The following TRPM3 variants were observed in gnomAD, a reference collection of about 807,000 sequenced individuals.
TRPM3 encodes the protein transient receptor potential cation channel subfamily M member 3.
A neutral mutation model predicts 181.2 loss-of-function variants in TRPM3; 77 were observed. That is an observed-to-expected ratio of 0.42 (90% CI 0.35 to 0.51). TRPM3 has a LOEUF of 0.51. Among genes scored for constraint, TRPM3 ranks in the 20% least tolerant of loss-of-function variants. The pLI is 0.01. For missense variants in TRPM3, 1,759 were observed against 2,196.7 expected (o/e 0.80, Z 3.98); for synonymous variants, 745 against 796.4 (o/e 0.94, Z 1.09).
chr9:70,616,142 G>T, intron 17 of TRPM3, 67 bp from the exon 18 acceptor site: 1 of 1,274,664 alleles, frequency 7.8e-7, no homozygotes, highest in Non-Finnish European at 1.1e-6. Context: ...TGGTTGTTTA[G>T]AATCAGAGAG....
At chr9:71,093,129 A>G (rs539986640) in intron 1 of TRPM3, among the ~76,000 whole-genome samples, 1 of 152,196 alleles carries the variant, frequency 6.6e-6, no homozygotes, top group Admixed American at 6.6e-5. Flanking sequence ...AACCATAAAA[A>G]TCATAGAAGA....
At chr9:70,980,067 G>GCACGCACACACACACA in intron 1 of TRPM3, among the ~76,000 whole-genome samples, 1 of 137,978 alleles carries the variant, frequency 7.2e-6, no homozygotes, top group South Asian at 2.4e-4. Flanking sequence ...GCATGTGCGT[G>GCACGCACACACACACA]CACACACACA....
intron 1 of TRPM3, among the ~76,000 whole-genome samples, chr9:71,112,859 C>T (rs760728995): frequency 1.3e-5 from 2 of 152,112 alleles, no homozygotes; most frequent in Non-Finnish European, 2.9e-5. Context: ...TCCTACTTAC[C>T]TGCGTTGAGC....
In TRPM3 at chr9:70,602,015, T is replaced by C. The variant is rs183880083; in HGVS notation, c.2796+1327A>G. Among the ~76,000 whole-genome samples the C allele has an allele frequency of 2.0e-4, 30 of 151,306 alleles. No individual in the cohort carries two copies. In the East Asian group the frequency reaches 3.1e-3, roughly 16 times the overall value. On this transcript the variant is annotated intron_variant, in intron 20 of 25. Transcript: ENST00000677713. Reference sequence around the variant, plus strand: ...TTATTACTGTTTTTCAGTTTACAAATGGGAAATCCACAACATTGGTCAAGA... The same window carrying C: ...TTATTACTGTTTTTCAGTTTACAAACGGGAAATCCACAACATTGGTCAAGA...
intron 12 of TRPM3, among the ~76,000 whole-genome samples, chr9:70,630,654 C>A (rs1164970017): frequency 6.6e-6 from 1 of 152,196 alleles, no homozygotes; most frequent in Non-Finnish European, 1.5e-5. Flanking sequence ...TCTAGCACTT[C>A]CCCCTCCCCC....
intron 1 of TRPM3, among the ~76,000 whole-genome samples, chr9:71,220,851 C>T (rs2080197789): frequency 6.6e-6 from 1 of 152,130 alleles, no homozygotes; most frequent in South Asian, 2.1e-4. Flanking sequence ...ATCCCCTGCC[C>T]ATCCAACAGC....
At chr9:71,379,215 T>C (rs1160434768) in intron 1 of TRPM3, among the ~76,000 whole-genome samples, 1 of 143,856 alleles carries the variant, frequency 7.0e-6, no homozygotes, top group Non-Finnish European at 1.6e-5. Context: ...ATCTTTATGA[T>C]GTGTGACAGA....
chr9:71,329,968 A>G (rs1328132503), intron 1 of TRPM3, among the ~76,000 whole-genome samples: 1 of 152,170 alleles, frequency 6.6e-6, no homozygotes, highest in Non-Finnish European at 1.5e-5. Flanking sequence ...GAGTTGCGGG[A>G]TGTAAGTTGG....
intron 1 of TRPM3, among the ~76,000 whole-genome samples, chr9:71,069,467 G>A (rs938711169): frequency 4.6e-5 from 7 of 152,068 alleles, no homozygotes; most frequent in African/African-American, 1.4e-4. Flanking sequence ...GTGAGCCACC[G>A]TGCCTGGCCA....
chr9:70,582,087 A>G (rs2055937110), intron 22 of TRPM3, among the ~76,000 whole-genome samples: 1 of 151,992 alleles, frequency 6.6e-6, no homozygotes. Context: ...TTTCTTCTTG[A>G]AAACAAAGTT....
intron 4 of TRPM3, among the ~76,000 whole-genome samples, 200 bp from the exon 5 acceptor site, chr9:70,843,327 T>C (rs1298850247): frequency 1.3e-5 from 2 of 152,234 alleles, no homozygotes; most frequent in Non-Finnish European, 2.9e-5. Flanking sequence ...GCCAGATTTG[T>C]ATATGAATTC....
At chr9:70,811,473 A>G (rs2092027596) in intron 6 of TRPM3, among the ~76,000 whole-genome samples, 1 of 152,192 alleles carries the variant, frequency 6.6e-6, no homozygotes, top group Non-Finnish European at 1.5e-5. Flanking sequence ...TTGCTGGAGG[A>G]AGTATCATTC....
intron 1 of TRPM3, among the ~76,000 whole-genome samples, chr9:71,236,704 C>T (rs1478272190): frequency 6.6e-6 from 1 of 152,088 alleles, no homozygotes; most frequent in African/African-American, 2.4e-5. Flanking sequence ...TAAATGTAGG[C>T]ATGTGCTTTT....
intron 1 of TRPM3, among the ~76,000 whole-genome samples, chr9:70,940,836 CTT>C (rs766185315): frequency 6.6e-6 from 1 of 152,110 alleles, no homozygotes; most frequent in Non-Finnish European, 1.5e-5. Flanking sequence ...AGAGAAAGAA[CTT>C]GTTTGCATTT....
intron 9 of TRPM3, among the ~76,000 whole-genome samples, chr9:70,654,848 ATT>A (rs979965600): frequency 6.6e-6 from 1 of 150,718 alleles, no homozygotes; most frequent in Non-Finnish European, 1.5e-5. Context: ...CGCCTGGCTA[ATT>A]TTTTTTGTAT....
chr9:70,606,136 G>A (rs556661233), intron 19 of TRPM3, among the ~76,000 whole-genome samples: 19 of 152,150 alleles, frequency 1.2e-4, no homozygotes, highest in Admixed American at 4.6e-4. Flanking sequence ...CCTCCATTCT[G>A]TAACATGGGA....
intron 1 of TRPM3, among the ~76,000 whole-genome samples, chr9:71,350,121 T>A (rs2091537828): frequency 6.6e-6 from 1 of 152,020 alleles, no homozygotes; most frequent in South Asian, 2.1e-4. Context: ...TCTTCTAAAA[T>A]CTTGCTATTT....
intron 9 of TRPM3, among the ~76,000 whole-genome samples, chr9:70,678,080 G>C (rs2064481621): frequency 6.6e-6 from 1 of 152,132 alleles, no homozygotes; most frequent in Non-Finnish European, 1.5e-5. Context: ...GGCAGGGGCA[G>C]TGGAAGGCTA....
intron 1 of TRPM3, among the ~76,000 whole-genome samples, chr9:71,380,784 C>G (rs1398551177): frequency 1.3e-5 from 2 of 152,036 alleles, no homozygotes; most frequent in East Asian, 3.9e-4. Context: ...AACTTAGGTC[C>G]TGACAGGGAC....
Sources: gnomAD v4.1 joint callset for allele counts (sites outside exome capture counted in the v4.1 genomes callset) on GRCh38, gnomAD v4.1.1 for gene constraint, MANE v1.5 for transcripts, NCBI Gene and HGNC (gene_info 2026-07-23, HGNC 2026-07-21) for gene names.